Variants in FOCAD observed in about 807,000 individuals in gnomAD.
The protein encoded by FOCAD is KIAA1797.
Under a neutral mutation model 225.6 loss-of-function variants are expected in FOCAD, and 198 were observed. The observed-to-expected ratio is 0.88, with a 90% CI of 0.78 to 0.99. The LOEUF (loss-of-function observed/expected upper bound fraction) is 0.99. Among genes scored for constraint, FOCAD ranks in the 50% least tolerant of loss-of-function variants. The pLI is 0.00. For synonymous variants in FOCAD, 897 were observed against 755.0 expected (o/e 1.19, Z -3.08); for missense variants, 2,713 against 2,123.6 (o/e 1.28, Z -5.46).
intron 4 of FOCAD, among the ~76,000 whole-genome samples, chr9:20,728,302 G>A (rs1826384006): frequency 6.6e-6 from 1 of 152,096 alleles, no homozygotes; most frequent in Admixed American, 6.6e-5. Flanking sequence ...AGATATCTTG[G>A]ATAGACCCAA....
chr9:20,974,084 C>G (rs1261796560), intron 35 of FOCAD, among the ~76,000 whole-genome samples: 1 of 148,214 alleles, frequency 6.7e-6, no homozygotes, highest in Non-Finnish European at 1.5e-5. Flanking sequence ...CTGTCTCTGC[C>G]CTACTTCCCC....
intron 20 of FOCAD, among the ~76,000 whole-genome samples, chr9:20,883,970 G>A (rs537834579): frequency 6.6e-6 from 1 of 152,284 alleles, no homozygotes; most frequent in East Asian, 1.9e-4. Context: ...GAGCTTAACT[G>A]ACCGTTGTGG....
At chr9:20,877,456 T>C (rs1426913271) in intron 19 of FOCAD, among the ~76,000 whole-genome samples, 9 of 152,182 alleles carry the variant, frequency 5.9e-5, no homozygotes, top group African/African-American at 2.2e-4. Context: ...TAGATCACTT[T>C]ACACAATAAA....
At chr9:20,715,812 T>C (rs2383148) in intron 2 of FOCAD, among the ~76,000 whole-genome samples, 130,767 of 152,096 alleles carry the variant, frequency 0.86, 56,290 homozygotes, top group Admixed American at 0.9. Context: ...ATAATAATGA[T>C]ATTTAATAAG....
chr9:20,993,254 T>C lies in FOCAD; in HGVS notation c.5258T>C (p.Phe1753Ser). 6.2e-7 allele frequency: 1 copy of C among 1,613,394 alleles called. No homozygotes were observed. Among genetic ancestry groups the C allele is most frequent in the South Asian group, 1.1e-5 (1 of 91,074 alleles). Residue 1753 changes from phenylalanine to serine, a missense_variant and splice_region_variant, in exon 43 of 44, where the codon TTC (phenylalanine) becomes TCC (serine). Physicochemically the swap from Phe to Ser is radical, Grantham distance 155. Transcript: ENST00000338382. ...CACTATTTTTCATTTTTACCCTAGTTCATTGACTGGCTATTCAGCATCATG... is the reference window on the plus strand; with the variant it reads ...CACTATTTTTCATTTTTACCCTAGTCCATTGACTGGCTATTCAGCATCATG... The part of the protein sequence containing the change: ...KEPWKEQTQK[F>S]IDWLFSIMES...
chr9:20,926,804 G>GAAAAAA (rs932950638), intron 26 of FOCAD, among the ~76,000 whole-genome samples: 1 of 142,446 alleles, frequency 7.0e-6, no homozygotes, highest in African/African-American at 2.6e-5. Flanking sequence ...AAAAGAAAAA[G>GAAAAAA]AAAAAAAAAA....
intron 15 of FOCAD, among the ~76,000 whole-genome samples, chr9:20,842,373 G>C (rs560874394): frequency 4.3e-4 from 65 of 151,928 alleles, no homozygotes; most frequent in Middle Eastern, 3.4e-3. Flanking sequence ...CTTGGGGTCT[G>C]TTTCTCACTT....
intron 15 of FOCAD, among the ~76,000 whole-genome samples, chr9:20,841,017 G>A (rs1323107016): frequency 4.0e-5 from 6 of 151,806 alleles, no homozygotes; most frequent in Non-Finnish European, 4.4e-5. Context: ...CTATTGATAC[G>A]ATATGTCATA....
chr9:20,949,133 T>C (rs1837456911), intron 32 of FOCAD, among the ~76,000 whole-genome samples: 2 of 152,214 alleles, frequency 1.3e-5, no homozygotes, highest in African/African-American at 2.4e-5. Context: ...TTATTTAATT[T>C]GGTTTTTAGA....
chr9:20,823,123 T>G lies in FOCAD; in HGVS notation c.1920+8T>G. 1 of 1,602,834 alleles carries G rather than the reference T, an allele frequency of 6.2e-7. No homozygotes were observed. Among genetic ancestry groups the G allele is most frequent in the Non-Finnish European group, 8.5e-7 (1 of 1,175,712 alleles). ...GCACTCTGTCAAGCTGAGGTAGGCA[T>G]TTTTAAATTGCTTTGGATAATTTTG... On this transcript the variant is annotated splice_region_variant and intron_variant, in intron 15 of 43. Coordinates refer to ENST00000338382, the MANE Select transcript of FOCAD (RefSeq NM_001375567.1).
chr9:20,915,305 C>T (rs1269606843), intron 23 of FOCAD, among the ~76,000 whole-genome samples: 1 of 151,956 alleles, frequency 6.6e-6, no homozygotes, highest in Non-Finnish European at 1.5e-5. Context: ...AAGATTGAGC[C>T]CTGATTCTAT....
intron 5 of FOCAD, among the ~76,000 whole-genome samples, chr9:20,740,686 G>A (rs1377312205): frequency 6.6e-6 from 1 of 152,274 alleles, no homozygotes; most frequent in African/African-American, 2.4e-5. Flanking sequence ...AGCAGGGGGG[G>A]ATTTAGGTTA....
intron 2 of FOCAD, among the ~76,000 whole-genome samples, chr9:20,663,480 C>CAT (rs984623164): frequency 2.0e-5 from 3 of 151,024 alleles, no homozygotes; most frequent in African/African-American, 7.4e-5. Flanking sequence ...CATGAACACA[C>CAT]ACACACACAC....
intron 2 of FOCAD, among the ~76,000 whole-genome samples, chr9:20,673,165 T>C (rs1822126970): frequency 6.6e-6 from 1 of 152,204 alleles, no homozygotes; most frequent in Non-Finnish European, 1.5e-5. Context: ...GCCTAGTTAC[T>C]CTTGTTTGTT....
At chr9:20,812,308 A>AT (rs898454867) in intron 11 of FOCAD, among the ~76,000 whole-genome samples, 11 of 151,830 alleles carry the variant, frequency 7.2e-5, no homozygotes, top group African/African-American at 2.2e-4. Context: ...GAGCTATCAT[A>AT]TTTTTTTAAA....
intron 18 of FOCAD, among the ~76,000 whole-genome samples, chr9:20,871,354 G>A (rs1829747906): frequency 6.6e-6 from 1 of 151,740 alleles, no homozygotes; most frequent in Non-Finnish European, 1.5e-5. Context: ...TTTCTTTTGC[G>A]CCAACCTAAT....
intron 2 of FOCAD, among the ~76,000 whole-genome samples, chr9:20,668,166 A>C (rs968011899): frequency 6.6e-6 from 1 of 152,176 alleles, no homozygotes; most frequent in African/African-American, 2.4e-5. Context: ...GAAGTGTGAA[A>C]TTGTAATGAC....
chr9:20,907,198 G>GC lies in FOCAD; in HGVS notation c.2676dup (p.Trp893LeufsTer32), dbSNP rs1833052702. On this transcript the variant is annotated frameshift_variant, in exon 22 of 44. Coordinates refer to ENST00000338382, the MANE Select transcript of FOCAD (RefSeq NM_001375567.1). LOFTEE classifies it high-confidence loss of function. The stretch of plus-strand genomic sequence containing the variant: ...GCACCGTGCAATTTTTCTTCCACAG[G>GC]CCTGGCTTGCATACATGAATCGAGC... 5 of 1,613,002 alleles carry GC rather than the reference G, an allele frequency of 3.1e-6. No homozygotes were observed. Among genetic ancestry groups the GC allele is most frequent in the Non-Finnish European group, 4.2e-6 (5 of 1,179,506 alleles).
At chr9:20,971,944 T>G (rs1839801452) in intron 35 of FOCAD, among the ~76,000 whole-genome samples, 1 of 152,180 alleles carries the variant, frequency 6.6e-6, no homozygotes, top group Non-Finnish European at 1.5e-5. Flanking sequence ...TTTATAAGAC[T>G]GAATAATGTT....
Sources: allele counts gnomAD v4.1 joint callset (sites outside exome capture counted in the v4.1 genomes callset), GRCh38; gene constraint gnomAD v4.1.1; transcripts MANE v1.5; gene names NCBI Gene and HGNC (gene_info 2026-07-23, HGNC 2026-07-21).